NALCN: variants seen among roughly 807,000 people sequenced by gnomAD.
The protein encoded by NALCN is sodium leak channel NALCN.
Under a neutral mutation model 225.3 loss-of-function variants are expected in NALCN, and 111 were observed. The ratio of observed to expected loss-of-function variants is 0.49; its 90% CI spans 0.42 to 0.58. The LOEUF (loss-of-function observed/expected upper bound fraction) is 0.58. NALCN is among the 20% of genes least tolerant of loss of function. The pLI, the probability that NALCN is intolerant of heterozygous loss-of-function variation, is 0.00. For missense variants in NALCN, 1,378 were observed against 2,202.4 expected (o/e 0.63, Z 7.49); for synonymous variants, 764 against 769.0 (o/e 0.99, Z 0.11).
intron 10 of NALCN, among the ~76,000 whole-genome samples, chr13:101,267,609 C>T (rs535340590): frequency 6.6e-6 from 1 of 152,272 alleles, no homozygotes; most frequent in South Asian, 2.1e-4. Flanking sequence ...CCCGAGCGAC[C>T]ACATCAACCC....
At chr13:101,326,142 G>A (rs1290902651) in intron 7 of NALCN, among the ~76,000 whole-genome samples, 1 of 152,132 alleles carries the variant, frequency 6.6e-6, no homozygotes, top group African/African-American at 2.4e-5. Context: ...GGACACAATT[G>A]GAGTTCTAAA....
In NALCN at chr13:101,212,966, C is replaced by A. The variant is rs542026736; in HGVS notation, c.1626+16427G>T. Among the ~76,000 whole-genome samples the A allele has an allele frequency of 3.9e-3, 596 of 152,044 alleles. 23 individuals are homozygous for A. The highest frequency in any genetic ancestry group is 0.034 in the Admixed American group (522 of 15,252). ...AACTACTTTAAAGTTCATATGGAACCAAAAAAGAGCCCGCATTGCCAAGAC... is the reference window on the plus strand; with the variant it reads ...AACTACTTTAAAGTTCATATGGAACAAAAAAAGAGCCCGCATTGCCAAGAC... On this transcript the variant is annotated intron_variant, in intron 13 of 43. Transcript: ENST00000251127.
intron 6 of NALCN, among the ~76,000 whole-genome samples, chr13:101,372,658 C>A (rs2390622): frequency 0.06 from 9,093 of 152,050 alleles, 905 homozygotes; most frequent in African/African-American, 0.2. Context: ...TACAACATAT[C>A]AACATTTTGG....
At chr13:101,244,178 A>AC (rs1295357912) in intron 11 of NALCN, among the ~76,000 whole-genome samples, 1 of 151,894 alleles carries the variant, frequency 6.6e-6, no homozygotes, top group Admixed American at 6.6e-5. Flanking sequence ...TCATTCCAAA[A>AC]AAAAAGAGTG....
At chr13:101,359,195 T>A (rs1042966823) in intron 6 of NALCN, among the ~76,000 whole-genome samples, 4 of 151,732 alleles carry the variant, frequency 2.6e-5, no homozygotes, top group African/African-American at 9.7e-5. Flanking sequence ...AAAGTAAAAA[T>A]TTTTTAAAAA....
intron 18 of NALCN, among the ~76,000 whole-genome samples, chr13:101,112,218 G>GTT (rs2035481228): frequency 6.7e-6 from 1 of 149,936 alleles, no homozygotes; most frequent in Non-Finnish European, 1.5e-5. Context: ...AAAGCACACA[G>GTT]TTTTTGGAAT....
intron 7 of NALCN, among the ~76,000 whole-genome samples, chr13:101,314,039 T>C (rs1448734218): frequency 3.3e-5 from 5 of 151,700 alleles, no homozygotes; most frequent in African/African-American, 1.2e-4. Context: ...GAAACCATCA[T>C]TCTCAGCAAA....
At chr13:101,225,024 A>G (rs1462665071) in intron 13 of NALCN, among the ~76,000 whole-genome samples, 1 of 152,162 alleles carries the variant, frequency 6.6e-6, no homozygotes, top group Non-Finnish European at 1.5e-5. Flanking sequence ...CCGTCAACCA[A>G]TGCCTCCTGC....
intron 33 of NALCN, among the ~76,000 whole-genome samples, chr13:101,082,141 G>T (rs1224036580): frequency 6.6e-6 from 1 of 152,168 alleles, no homozygotes; most frequent in Non-Finnish European, 1.5e-5. Flanking sequence ...GCTTCCCAAA[G>T]TTCTGGGGTT....
At chr13:101,056,527 G>C (rs535049385) in intron 43 of NALCN, among the ~76,000 whole-genome samples, 1 of 152,224 alleles carries the variant, frequency 6.6e-6, no homozygotes, top group South Asian at 2.1e-4. Flanking sequence ...CTCCCAAAGT[G>C]CTGGGATTAC....
chr13:101,253,700 C>T (rs952821196), intron 11 of NALCN, among the ~76,000 whole-genome samples: 1 of 152,020 alleles, frequency 6.6e-6, no homozygotes, highest in African/African-American at 2.4e-5. Context: ...TGACATTGCT[C>T]TCTGTTTCTA....
chr13:101,246,541 T>A (rs553367362), intron 11 of NALCN, among the ~76,000 whole-genome samples: 2 of 152,194 alleles, frequency 1.3e-5, no homozygotes, highest in Non-Finnish European at 2.9e-5. Context: ...CAGTATGTTA[T>A]AAAGAGCAAA....
chr13:101,409,422 C>T lies in NALCN; in HGVS notation c.-40+6891G>A, dbSNP rs182157303. Among the ~76,000 whole-genome samples the T allele has an allele frequency of 1.2e-3, 181 of 152,276 alleles. 2 individuals are homozygous for T. Among genetic ancestry groups the T allele is most frequent in the Non-Finnish European group, 7.4e-5 (5 of 68,026 alleles). ...GCTCACTCATCTTGCATAACTGAAA[C>T]GTTCTACCCAGTAATTAACAACTCC... On this transcript the variant is annotated intron_variant, in intron 1 of 43. Coordinates refer to ENST00000251127, the MANE Select transcript of NALCN (RefSeq NM_052867.4).
At chr13:101,299,324 A>G (rs2043866394) in intron 7 of NALCN, among the ~76,000 whole-genome samples, 1 of 152,234 alleles carries the variant, frequency 6.6e-6, no homozygotes, top group African/African-American at 2.4e-5. Context: ...ATCGAAAATA[A>G]ATTAACATAT....
intron 3 of NALCN, among the ~76,000 whole-genome samples, chr13:101,385,205 C>G (rs2210792): frequency 0.08 from 12,221 of 152,146 alleles, 962 homozygotes; most frequent in African/African-American, 0.21. Context: ...ATGTACCTTG[C>G]TGTTCCACTC....
chr13:101,338,788 T>A (rs541182571), intron 7 of NALCN, among the ~76,000 whole-genome samples: 1 of 152,342 alleles, frequency 6.6e-6, no homozygotes, highest in South Asian at 2.1e-4. Flanking sequence ...GCTTTGCAAA[T>A]TGTTTTTGAA....
At chr13:101,085,932 G>A (rs1374554078) in intron 30 of NALCN, among the ~76,000 whole-genome samples, 2 of 151,980 alleles carry the variant, frequency 1.3e-5, no homozygotes, top group African/African-American at 2.4e-5. Context: ...CTAATTTGTT[G>A]AGCTGCTTCT....
chr13:101,279,834 AT>A (rs1357560644), intron 10 of NALCN, among the ~76,000 whole-genome samples: 65 of 99,940 alleles, frequency 6.5e-4, no homozygotes, highest in African/African-American at 1.7e-3. Context: ...AAATAAATAA[AT>A]AAAATAAATA....
chr13:101,279,816 C>CA (rs1324844513), intron 10 of NALCN, among the ~76,000 whole-genome samples: 22 of 89,774 alleles, frequency 2.5e-4, no homozygotes, highest in African/African-American at 8.2e-4. Flanking sequence ...GACTCCGTCT[C>CA]AAAAAATAAA....
Sources: gnomAD v4.1 joint callset for allele counts (sites outside exome capture counted in the v4.1 genomes callset) on GRCh38, gnomAD v4.1.1 for gene constraint, MANE v1.5 for transcripts, NCBI Gene and HGNC (gene_info 2026-07-23, HGNC 2026-07-21) for gene names.